Variants in ELMO1 observed in about 807,000 individuals in gnomAD.
The protein encoded by ELMO1 is engulfment and cell motility 1.
ELMO1 carries 26 observed loss-of-function variants against 98.9 expected under a neutral mutation model. The observed-to-expected ratio is 0.26, with a 90% confidence interval of 0.19 to 0.36. The LOEUF (loss-of-function observed/expected upper bound fraction) is 0.36. Among genes scored for constraint, ELMO1 ranks in the 10% least tolerant of loss-of-function variants. The pLI is 1.00. For synonymous variants in ELMO1, 346 were observed against 346.0 expected (o/e 1.00, Z 0.00); for missense variants, 627 against 935.2 (o/e 0.67, Z 4.30).
intron 4 of ELMO1, among the ~76,000 whole-genome samples, chr7:37,277,462 G>A (rs959141014): frequency 2.6e-5 from 4 of 152,202 alleles, no homozygotes; most frequent in African/African-American, 7.2e-5. Context: ...CTATGTGGTC[G>A]CTTAGAGCTG....
rs540529919 is a variant in ELMO1 at position 36,866,872 on chromosome 7, A to G, written c.1905+3521T>C. Reference sequence around the variant, plus strand: ...CCCAGAAGTCCCAGAGGTAGACAGGAGGGCACCTCTGGAGTACGGGGAAAG... The same window carrying G: ...CCCAGAAGTCCCAGAGGTAGACAGGGGGGCACCTCTGGAGTACGGGGAAAG... On this transcript the variant is annotated intron_variant, in intron 20 of 21. Transcript: ENST00000310758. 1.5e-3 allele frequency among the ~76,000 whole-genome samples: 223 copies of G among 152,270 alleles called. 1 individual carries two copies. Among genetic ancestry groups the G allele is most frequent in the African/African-American group, 5.0e-3 (209 of 41,560 alleles).
Position 37,155,683 on chromosome 7 carries a change from A to G in ELMO1, c.1087-22449T>C, listed in dbSNP as rs570751311. Among the ~76,000 whole-genome samples the G allele has an allele frequency of 4.6e-4, 70 of 152,238 alleles. No individual in the cohort carries two copies. The South Asian group carries it at 0.01, about 23-fold the overall frequency. On this transcript the variant is annotated intron_variant, in intron 13 of 21. Transcript: ENST00000310758. ...ATCCAGATTCATAAAGCAAGTTCTT[A>G]GAGACCTACAAAGAGACTCAGACTC...
chr7:37,274,802 C>G (rs1796742582), intron 4 of ELMO1, among the ~76,000 whole-genome samples: 1 of 152,208 alleles, frequency 6.6e-6, no homozygotes, highest in Non-Finnish European at 1.5e-5. Context: ...CTGCCCATCT[C>G]AGCCTCCCAA....
intron 21 of ELMO1, among the ~76,000 whole-genome samples, chr7:36,856,741 T>C (rs998901085): frequency 1.3e-5 from 2 of 152,198 alleles, no homozygotes; most frequent in African/African-American, 4.8e-5. Flanking sequence ...AGAAAGCTGC[T>C]TGGCATTCTG....
At chr7:36,950,537 T>C (rs1054102955) in intron 16 of ELMO1, among the ~76,000 whole-genome samples, 5 of 152,222 alleles carry the variant, frequency 3.3e-5, no homozygotes, top group African/African-American at 1.2e-4. Flanking sequence ...CTGTGTTTCA[T>C]GGCGCCAGGC....
intron 1 of ELMO1, among the ~76,000 whole-genome samples, chr7:37,386,817 A>G (rs1487642770): frequency 6.6e-6 from 1 of 152,148 alleles, no homozygotes; most frequent in African/African-American, 2.4e-5. Flanking sequence ...CTCCTCCCCA[A>G]GCCCTTCCCT....
intron 16 of ELMO1, among the ~76,000 whole-genome samples, chr7:36,918,744 T>G (rs1378936902): frequency 1.3e-5 from 2 of 152,226 alleles, no homozygotes; most frequent in Non-Finnish European, 2.9e-5. Flanking sequence ...GTCACCAAAC[T>G]GCTCAAAAAG....
intron 16 of ELMO1, among the ~76,000 whole-genome samples, chr7:37,009,498 T>G (rs1359759444): frequency 6.6e-6 from 1 of 152,238 alleles, no homozygotes; most frequent in African/African-American, 2.4e-5. Flanking sequence ...AGCAGTGGCA[T>G]TAACTACCAA....
chr7:36,857,941 T>C (rs980607321), intron 21 of ELMO1, among the ~76,000 whole-genome samples: 2 of 152,180 alleles, frequency 1.3e-5, no homozygotes, highest in Non-Finnish European at 2.9e-5. Flanking sequence ...GTCCTCCCAA[T>C]AGGACTCAGA....
At chr7:37,358,465 C>CT (rs1434027409) in intron 1 of ELMO1, among the ~76,000 whole-genome samples, 1 of 152,158 alleles carries the variant, frequency 6.6e-6, no homozygotes, top group Non-Finnish European at 1.5e-5. Context: ...AGAAGGCCAT[C>CT]TTGCATCTTA....
At chr7:37,201,748 G>A (rs1450891893) in intron 13 of ELMO1, among the ~76,000 whole-genome samples, 1 of 152,226 alleles carries the variant, frequency 6.6e-6, no homozygotes, top group Admixed American at 6.5e-5. Flanking sequence ...GAGAGCCAAT[G>A]GCTGTGTGTT....
chr7:36,933,328 A>T (rs778479829), intron 16 of ELMO1, among the ~76,000 whole-genome samples: 1 of 152,210 alleles, frequency 6.6e-6, no homozygotes, highest in Non-Finnish European at 1.5e-5. Flanking sequence ...TGCCCCAGAC[A>T]GGAAGAACTA....
intron 15 of ELMO1, among the ~76,000 whole-genome samples, chr7:37,090,594 T>C (rs1784030539): frequency 6.6e-6 from 1 of 152,170 alleles, no homozygotes; most frequent in Non-Finnish European, 1.5e-5. Context: ...CATTTCTCAC[T>C]GCCTGGAATT....
intron 15 of ELMO1, among the ~76,000 whole-genome samples, chr7:37,018,301 T>C (rs1195577972): frequency 1.3e-5 from 2 of 151,084 alleles, no homozygotes; most frequent in African/African-American, 4.9e-5. Context: ...TAATTGTGTA[T>C]TTTTAGTAGA....
At chr7:37,316,214 C>A (rs1799145649) in intron 2 of ELMO1, among the ~76,000 whole-genome samples, 1 of 152,102 alleles carries the variant, frequency 6.6e-6, no homozygotes, top group African/African-American at 2.4e-5. Context: ...AAATATGCAT[C>A]ATATTTAATT....
At chr7:37,296,906 A>T (rs1473911259) in intron 4 of ELMO1, among the ~76,000 whole-genome samples, 1 of 152,210 alleles carries the variant, frequency 6.6e-6, no homozygotes, top group African/African-American at 2.4e-5. Context: ...GACACCTGAC[A>T]TGCTCTCAAG....
At chr7:36,931,037 G>T (rs1298115919) in intron 16 of ELMO1, among the ~76,000 whole-genome samples, 1 of 152,190 alleles carries the variant, frequency 6.6e-6, no homozygotes, top group Non-Finnish European at 1.5e-5. Context: ...TGATAGTTAA[G>T]AAATGTAGTC....
intron 1 of ELMO1, among the ~76,000 whole-genome samples, chr7:37,436,740 G>A (rs1466230819): frequency 6.6e-6 from 1 of 152,196 alleles, no homozygotes; most frequent in Non-Finnish European, 1.5e-5. Context: ...CAGAGAGAGC[G>A]ATTGGAAATG....
intron 13 of ELMO1, among the ~76,000 whole-genome samples, chr7:37,162,914 T>C (rs1466591302): frequency 2.0e-5 from 3 of 152,156 alleles, no homozygotes; most frequent in Non-Finnish European, 4.4e-5. Flanking sequence ...AGACTCTAAT[T>C]AAGAGTAAAA....
Sources: gnomAD v4.1 joint callset for allele counts (sites outside exome capture counted in the v4.1 genomes callset) on GRCh38, gnomAD v4.1.1 for gene constraint, MANE v1.5 for transcripts, NCBI Gene and HGNC (gene_info 2026-07-23, HGNC 2026-07-21) for gene names.